CHCHD3: variants seen among roughly 807,000 people sequenced by gnomAD.
CHCHD3 encodes the protein coiled-coil-helix-coiled-coil-helix domain containing 3, also known as MICOS complex subunit MIC19.
In CHCHD3, 20 loss-of-function variants were observed where a neutral mutation model predicts 38.2. The ratio of observed to expected loss-of-function variants is 0.52; its 90% CI spans 0.37 to 0.76. The LOEUF is 0.76. CHCHD3 is among the 30% of genes least tolerant of loss of function. The pLI is 0.00. For synonymous variants in CHCHD3, 82 were observed against 100.0 expected, an observed-to-expected ratio of 0.82 and a Z score of 1.07; for missense variants, 245 against 279.2, an observed-to-expected ratio of 0.88 and a Z score of 0.87.
chr7:132,871,181 T>G (rs575451016), intron 5 of CHCHD3, among the ~76,000 whole-genome samples: 1 of 152,336 alleles, frequency 6.6e-6, no homozygotes, highest in Admixed American at 6.5e-5. Flanking sequence ...TTCCATAAAT[T>G]TAGTTACTTT....
intron 6 of CHCHD3, among the ~76,000 whole-genome samples, chr7:132,798,772 A>T (rs985318483): frequency 1.3e-5 from 2 of 151,988 alleles, no homozygotes; most frequent in Non-Finnish European, 2.9e-5. Flanking sequence ...AAGACAGTTT[A>T]TTTTTTCCTT....
chr7:132,841,305 G>A (rs1275935794), intron 5 of CHCHD3, among the ~76,000 whole-genome samples: 13 of 151,414 alleles, frequency 8.6e-5, no homozygotes, highest in African/African-American at 2.2e-4. Flanking sequence ...CACAAATGCC[G>A]AGTTAAAAGT....
At chr7:132,815,454 AGTT>A (rs1807175219) in intron 6 of CHCHD3, 1 of 400,214 alleles carries the variant, frequency 2.5e-6, no homozygotes, top group African/African-American at 2.1e-5. Context: ...ACATTTTACC[AGTT>A]GTTCTTACTC....
At chr7:133,011,308 T>C (rs1436166723) in intron 3 of CHCHD3, among the ~76,000 whole-genome samples, 2 of 152,340 alleles carry the variant, frequency 1.3e-5, no homozygotes, top group South Asian at 2.1e-4. Context: ...TGATTCAAAA[T>C]GCATTTTTTT....
At chr7:132,818,039 A>T (rs1268577143) in intron 6 of CHCHD3, among the ~76,000 whole-genome samples, 2 of 152,218 alleles carry the variant, frequency 1.3e-5, no homozygotes, top group Non-Finnish European at 2.9e-5. Context: ...CCCCAGCCAA[A>T]CTATGGAAAG....
chr7:132,880,254 T>A (rs1809018463), intron 5 of CHCHD3, among the ~76,000 whole-genome samples: 1 of 152,194 alleles, frequency 6.6e-6, no homozygotes, highest in Admixed American at 6.5e-5. Context: ...TGGCTGTATG[T>A]TCTTAGGTGA....
chr7:132,852,325 A>G (rs938517373), intron 5 of CHCHD3, among the ~76,000 whole-genome samples: 9 of 152,174 alleles, frequency 5.9e-5, no homozygotes, highest in African/African-American at 2.2e-4. Flanking sequence ...AGAGAGCTCC[A>G]AACAGCTAAC....
intron 4 of CHCHD3, among the ~76,000 whole-genome samples, chr7:132,960,121 A>G (rs1016536308): frequency 1.3e-5 from 2 of 152,186 alleles, no homozygotes; most frequent in South Asian, 2.1e-4. Context: ...CAGGGTGAAC[A>G]TATTTTAATC....
Position 132,881,584 on chromosome 7 carries a change from A to C in CHCHD3, c.453+4078T>G, listed in dbSNP as rs1418668520. ...CATCCCTCTCCATTAATGATACACC[A>C]TCTGGTATCTACTTTATAGTTTCAT... On this transcript the variant is annotated intron_variant, in intron 5 of 7. Transcript: ENST00000262570. 5.9e-5 allele frequency among the ~76,000 whole-genome samples: 9 copies of C among 152,288 alleles called. No homozygotes were observed. In the East Asian group the frequency reaches 1.5e-3, roughly 26 times the overall value.
chr7:133,033,846 A>T (rs1813572411), intron 2 of CHCHD3, among the ~76,000 whole-genome samples: 1 of 150,888 alleles, frequency 6.6e-6, no homozygotes, highest in African/African-American at 2.4e-5. Flanking sequence ...CACATTGTCT[A>T]TTTTTTTTTC....
At chr7:132,831,577 T>C (rs1807652598) in intron 6 of CHCHD3, among the ~76,000 whole-genome samples, 1 of 152,120 alleles carries the variant, frequency 6.6e-6, no homozygotes, top group African/African-American at 2.4e-5. Context: ...AGAACTCAAC[T>C]TCAGAGAAAC....
Position 133,035,325 on chromosome 7 carries a change from T to G in CHCHD3, c.170-10698A>C. ...CAGTTCCCCCAAGACAGCCCGGAAC[T>G]GGGGCTGGTTAATGCAGGTGAGGAA... On this transcript the variant is annotated intron_variant, in intron 2 of 7. Coordinates refer to ENST00000262570, the MANE Select transcript of CHCHD3 (RefSeq NM_017812.4). This position sits in a 1 kb window ranked among gnomAD's most constrained non-coding sequence, Gnocchi z 4.7. The G allele has an allele frequency of 6.2e-7, 1 of 1,609,944 alleles. No homozygotes were observed. Among genetic ancestry groups the G allele is most frequent in the Non-Finnish European group, 8.5e-7 (1 of 1,176,248 alleles).
chr7:133,039,643 G>A (rs1813774249), intron 2 of CHCHD3, among the ~76,000 whole-genome samples: 1 of 152,186 alleles, frequency 6.6e-6, no homozygotes, highest in Non-Finnish European at 1.5e-5. Context: ...ACTGTCATCT[G>A]GGAAGCCAAG....
At chr7:133,026,249 G>A (rs1328481056) in intron 2 of CHCHD3, among the ~76,000 whole-genome samples, 1 of 152,136 alleles carries the variant, frequency 6.6e-6, no homozygotes, top group African/African-American at 2.4e-5. Flanking sequence ...CTCCAAAGAA[G>A]ATATACAAAT....
chr7:132,880,144 A>T (rs141184057), intron 5 of CHCHD3, among the ~76,000 whole-genome samples: 6 of 152,342 alleles, frequency 3.9e-5, no homozygotes, highest in South Asian at 2.1e-4. Context: ...TGCTACAATC[A>T]GCAGGATTTA....
intron 4 of CHCHD3, among the ~76,000 whole-genome samples, chr7:132,921,297 A>T (rs1396180979): frequency 6.6e-6 from 1 of 152,220 alleles, no homozygotes; most frequent in Non-Finnish European, 1.5e-5. Flanking sequence ...TCTACCAAAG[A>T]ATTCAAACCA....
At chr7:132,856,736 A>G (rs894984652) in intron 5 of CHCHD3, among the ~76,000 whole-genome samples, 8 of 152,208 alleles carry the variant, frequency 5.3e-5, no homozygotes, top group Non-Finnish European at 8.8e-5. Flanking sequence ...ATTGTTTGTC[A>G]TCTTAGACTG....
intron 4 of CHCHD3, among the ~76,000 whole-genome samples, chr7:132,894,514 T>C (rs1384805837): frequency 6.6e-6 from 1 of 152,230 alleles, no homozygotes; most frequent in Non-Finnish European, 1.5e-5. Flanking sequence ...TCAATATGTT[T>C]CCTATGGCAC....
At chr7:132,829,934 A>G (rs1260612644) in intron 6 of CHCHD3, among the ~76,000 whole-genome samples, 1 of 152,138 alleles carries the variant, frequency 6.6e-6, no homozygotes, top group Non-Finnish European at 1.5e-5. Flanking sequence ...TCTGCAGGAT[A>G]CCACTGAGTT....
Sources: allele counts gnomAD v4.1 joint callset (sites outside exome capture counted in the v4.1 genomes callset), GRCh38; gene constraint gnomAD v4.1.1; non-coding constraint Gnocchi (gnomAD v3.1); transcripts MANE v1.5; gene names NCBI Gene and HGNC (gene_info 2026-07-23, HGNC 2026-07-21).